R3HDM2: variants seen among roughly 807,000 people sequenced by gnomAD.
The protein encoded by R3HDM2 is R3H domain containing 2.
In R3HDM2, 38 loss-of-function variants were observed where a neutral mutation model predicts 124.5. The observed-to-expected ratio is 0.31, with a 90% CI of 0.24 to 0.40. The LOEUF is 0.40. Ranked by LOEUF, R3HDM2 falls within the 10% of genes least tolerant of loss-of-function variation. The pLI, the probability that R3HDM2 is intolerant of heterozygous loss-of-function variation, is 1.00. For synonymous variants in R3HDM2, 391 were observed against 448.0 expected (o/e 0.87, Z 1.61); for missense variants, 869 against 1,236.9 (o/e 0.70, Z 4.46).
At position 57,280,518 on chromosome 12, in the gene R3HDM2, C is replaced by T. The variant is rs771211109; in HGVS notation, c.1184G>A (p.Gly395Asp). 1.9e-6 allele frequency: 3 copies of T among 1,603,646 alleles called. No individual in the cohort carries two copies. The highest frequency in any genetic ancestry group is 1.7e-6 in the Non-Finnish European group (2 of 1,174,382). The change falls in exon 14 of 24, where the codon GGT becomes GAT. Residue 395 changes from glycine to aspartate, a missense_variant. Gly to Asp is a moderately conservative substitution (Grantham distance 94, BLOSUM62 -1). Coordinates refer to ENST00000402412, the MANE Select transcript of R3HDM2 (RefSeq NM_001394031.1). Reference protein sequence around the residue: ...GRISRPGMALGAPEVCNQVTS... With the variant: ...GRISRPGMALDAPEVCNQVTS... Reference sequence around the variant, plus strand: ...GACCTGGTTGCACACTTCTGGGGCACCTAGTGCCATACCTAAGGCAAAGAA... The same window carrying T: ...GACCTGGTTGCACACTTCTGGGGCATCTAGTGCCATACCTAAGGCAAAGAA...
intron 2 of R3HDM2, among the ~76,000 whole-genome samples, chr12:57,317,043 G>T (rs1377598230): frequency 6.6e-6 from 1 of 151,718 alleles, no homozygotes; most frequent in East Asian, 1.9e-4. Flanking sequence ...CATCGCACCT[G>T]GCCTAATTTT....
At chr12:57,381,218 C>T (rs909353632) in intron 2 of R3HDM2, among the ~76,000 whole-genome samples, 5 of 150,496 alleles carry the variant, frequency 3.3e-5, no homozygotes, top group Non-Finnish European at 4.4e-5. Flanking sequence ...GCAACAAAAG[C>T]GAAACTCCGT....
intron 11 of R3HDM2, among the ~76,000 whole-genome samples, chr12:57,290,960 G>A (rs1383912571): frequency 6.6e-6 from 1 of 151,904 alleles, no homozygotes; most frequent in East Asian, 1.9e-4. Flanking sequence ...CAACTTAGGG[G>A]GTTATCACTG....
intron 1 of R3HDM2, among the ~76,000 whole-genome samples, chr12:57,430,276 T>C (rs1370884279): frequency 6.6e-6 from 1 of 152,142 alleles, no homozygotes; most frequent in Non-Finnish European, 1.5e-5. Flanking sequence ...CATCTCCCTG[T>C]ATGTGCCAAC....
intron 14 of R3HDM2, chr12:57,272,358 C>T (rs901388651): frequency 1.9e-6 from 2 of 1,078,454 alleles, no homozygotes; most frequent in Non-Finnish European, 1.4e-6. Flanking sequence ...TCCAAAAGCA[C>T]AACATGCTTA....
At chr12:57,419,782 C>T (rs1378621277) in intron 1 of R3HDM2, among the ~76,000 whole-genome samples, 1 of 151,982 alleles carries the variant, frequency 6.6e-6, no homozygotes, top group African/African-American at 2.4e-5. Context: ...TTTGCCCAGG[C>T]TATTGTATCT....
intron 2 of R3HDM2, among the ~76,000 whole-genome samples, chr12:57,338,661 T>C (rs1233437516): frequency 6.6e-6 from 1 of 152,064 alleles, no homozygotes; most frequent in African/African-American, 2.4e-5. Context: ...CAAAGTAACA[T>C]GCTGGGCTTA....
At chr12:57,356,498 T>G (rs2061312580) in intron 2 of R3HDM2, among the ~76,000 whole-genome samples, 1 of 152,224 alleles carries the variant, frequency 6.6e-6, no homozygotes, top group African/African-American at 2.4e-5. Flanking sequence ...TACTAAAACT[T>G]TGTTAAAGAT....
At chr12:57,365,844 G>C (rs2062575585) in intron 2 of R3HDM2, among the ~76,000 whole-genome samples, 1 of 151,826 alleles carries the variant, frequency 6.6e-6, no homozygotes, top group Admixed American at 6.6e-5. Context: ...GCTGAGGCAG[G>C]AGAACTGCTT....
At chr12:57,328,169 T>C (rs559498124) in intron 2 of R3HDM2, among the ~76,000 whole-genome samples, 2 of 151,378 alleles carry the variant, frequency 1.3e-5, no homozygotes, top group Non-Finnish European at 2.9e-5. Flanking sequence ...ACTCCCAGGC[T>C]CAGGCGATCC....
At chr12:57,367,805 C>A (rs762840585) in intron 2 of R3HDM2, among the ~76,000 whole-genome samples, 43 of 152,300 alleles carry the variant, frequency 2.8e-4, no homozygotes, top group South Asian at 2.7e-3. Context: ...TTCCCCTCCA[C>A]TGAGTTTCTT....
chr12:57,413,847 C>CTTT (rs56189620), intron 1 of R3HDM2, among the ~76,000 whole-genome samples: 2 of 120,536 alleles, frequency 1.7e-5, no homozygotes, highest in Non-Finnish European at 1.7e-5. Context: ...AATCCCCCCC[C>CTTT]TTTTTTTTTT....
At chr12:57,262,659 A>T (rs1431491575) in intron 19 of R3HDM2, among the ~76,000 whole-genome samples, 1 of 152,188 alleles carries the variant, frequency 6.6e-6, no homozygotes, top group African/African-American at 2.4e-5. Flanking sequence ...TGTCCTCTGA[A>T]GGTGACAGAG....
At chr12:57,260,556 G>C (rs1240343921) in intron 19 of R3HDM2, among the ~76,000 whole-genome samples, 1 of 152,112 alleles carries the variant, frequency 6.6e-6, no homozygotes, top group Non-Finnish European at 1.5e-5. Context: ...GACAGTCCCT[G>C]CTGGGAGGGA....
chr12:57,419,058 C>T (rs1379006107), intron 1 of R3HDM2, among the ~76,000 whole-genome samples: 1 of 152,042 alleles, frequency 6.6e-6, no homozygotes, highest in Non-Finnish European at 1.5e-5. Flanking sequence ...GCTTGTAAAG[C>T]CCACCATAAA....
At chr12:57,388,568 G>C in intron 2 of R3HDM2, among the ~76,000 whole-genome samples, 1 of 152,154 alleles carries the variant, frequency 6.6e-6, no homozygotes, top group Non-Finnish European at 1.5e-5. Flanking sequence ...ACAATGTCAA[G>C]GTTGCAGTGA....
In R3HDM2 at chr12:57,254,518, A is replaced by T; in HGVS notation, c.*255T>A. ...CTCCGTCTCAAAAAAAAAAAAAAAA[A>T]AAAAAAGAAGAGGATGGGAAGAAGA... is the stretch of plus-strand genomic sequence containing the variant. On this transcript the variant is annotated 3_prime_UTR_variant, in exon 24 of 24. Coordinates refer to ENST00000402412, the MANE Select transcript of R3HDM2 (RefSeq NM_001394031.1). 1 of 417,356 alleles carries T rather than the reference A, an allele frequency of 2.4e-6. No individual in the cohort carries two copies. Among genetic ancestry groups the T allele is most frequent in the Non-Finnish European group, 4.3e-6 (1 of 234,712 alleles). The allele number at this position is 417,356 out of a possible 1,614,324, so 25.9% of individuals were successfully genotyped here. A position where few individuals can be genotyped will look rare whatever the true frequency, so the allele number is the denominator to read the frequency against.
In R3HDM2 at chr12:57,258,086, C is replaced by T; in HGVS notation, c.2353G>A (p.Ala785Thr). 1 of 1,596,362 alleles carries T rather than the reference C, an allele frequency of 6.3e-7. No individual in the cohort carries two copies. The highest frequency in any genetic ancestry group is 2.2e-5 in the East Asian group (1 of 44,548). Residue 785 changes from alanine (A) to threonine (T), a missense_variant, in exon 21 of 24, where the codon GCA becomes ACA. This residue lies in a region of R3HDM2 where 602 missense variants were observed against 789.2 expected (regional missense o/e 0.76). Coordinates refer to ENST00000402412, the MANE Select transcript of R3HDM2 (RefSeq NM_001394031.1). ...CTGAGGCTGGTGACAGGAGAGGGTG[C>T]TGGAGACTGGGTAGGAGATGTGACA... ...SPVTSPTQSP[A>T]PSPVTSLSSV...
chr12:57,339,142 C>T (rs10876974), intron 2 of R3HDM2, among the ~76,000 whole-genome samples: 36,017 of 151,576 alleles, frequency 0.24, 4,625 homozygotes, highest in South Asian at 0.43. Flanking sequence ...TACAGGTGTT[C>T]GCCACCATAC....
Sources: allele counts gnomAD v4.1 joint callset (sites outside exome capture counted in the v4.1 genomes callset), GRCh38; gene constraint gnomAD v4.1.1; regional missense constraint gnomAD v4.1.1; transcripts MANE v1.5; gene names NCBI Gene and HGNC (gene_info 2026-07-23, HGNC 2026-07-21).